CACNA1I: variants seen among roughly 807,000 people sequenced by gnomAD.
CACNA1I encodes voltage-dependent T-type calcium channel subunit alpha-1I.
Under a neutral mutation model 201.6 loss-of-function variants are expected in CACNA1I, and 74 were observed. That is an observed-to-expected ratio of 0.37 (90% confidence interval 0.30 to 0.45). CACNA1I has a LOEUF of 0.45. Ranked by LOEUF, CACNA1I falls within the 20% of genes least tolerant of loss-of-function variation. CACNA1I has a pLI of 1.00. For missense variants in CACNA1I, 2,346 were observed against 3,138.1 expected, an observed-to-expected ratio of 0.75 and a Z score of 6.03; for synonymous variants, 1,431 against 1,345.2, an observed-to-expected ratio of 1.06 and a Z score of -1.40.
intron 1 of CACNA1I, among the ~76,000 whole-genome samples, chr22:39,589,167 T>A (rs575534798): frequency 1.3e-5 from 2 of 152,220 alleles, no homozygotes; most frequent in East Asian, 3.9e-4. Context: ...GGGGACAAAA[T>A]CATCCCTGGT....
intron 28 of CACNA1I, 62 bp from the exon 29 acceptor site, chr22:39,673,901 C>T (rs942278100): frequency 1.3e-5 from 19 of 1,470,938 alleles, no homozygotes; most frequent in African/African-American, 8.3e-5. Context: ...TGCACACATG[C>T]GTGCACACAC....
At position 39,572,233 on chromosome 22, in the gene CACNA1I, G is replaced by C. The variant is rs551926011; in HGVS notation, c.236+1245G>C. Among the ~76,000 whole-genome samples, 7 of 152,230 alleles carry C rather than the reference G, an allele frequency of 4.6e-5. No individual in the cohort carries two copies. The East Asian group carries it at 1.4e-3, about 29-fold the overall frequency. On this transcript the variant is annotated intron_variant, in intron 1 of 36. Transcript: ENST00000402142. ...GCTTGCAGGGTGAAGTGGGGGCTGG[G>C]GACCACTGAGGAGGAGGCTTGGGGA...
chr22:39,594,960 A>AG (rs1165196561), intron 1 of CACNA1I, among the ~76,000 whole-genome samples: 1 of 152,244 alleles, frequency 6.6e-6, no homozygotes, highest in East Asian at 1.9e-4. Context: ...TTTATAAATC[A>AG]GGCATTGTAA....
intron 10 of CACNA1I, 62 bp from the exon 11 acceptor site, chr22:39,658,089 AG>A: frequency 6.4e-7 from 1 of 1,570,552 alleles, no homozygotes; most frequent in Non-Finnish European, 8.7e-7. Context: ...GGGTGTCCAG[AG>A]GGGATCCACA....
intron 7 of CACNA1I, among the ~76,000 whole-genome samples, chr22:39,643,881 G>A (rs1934409389): frequency 6.6e-6 from 1 of 152,244 alleles, no homozygotes; most frequent in African/African-American, 2.4e-5. Context: ...CAGGCCCTGA[G>A]CCAAGTGCTA....
rs1237595300 is a variant in CACNA1I at position 39,668,303 on chromosome 22, C to T, written c.4116C>T (p.Ser1372=). ...NFDNLGQALM[S]LFVLASKDGW... is the part of the protein sequence containing the mutation. ...CCCATGTCTCCCAGGCTCTGATGTC[C>T]CTCTTTGTCCTGGCATCCAAGGATG... The change falls in exon 24 of 37, where the codon TCC becomes TCT. Residue 1372 remains serine (S), a synonymous_variant. Coordinates refer to ENST00000402142, the MANE Select transcript of CACNA1I (RefSeq NM_021096.4). The T allele has an allele frequency of 2.5e-6, 4 of 1,611,980 alleles. No homozygotes were observed. The highest frequency in any genetic ancestry group is 3.4e-6 in the Non-Finnish European group (4 of 1,178,302).
chr22:39,684,241 C>T lies in CACNA1I; in HGVS notation c.5831-61C>T. The T allele has an allele frequency of 6.7e-7, 1 of 1,497,940 alleles. No individual in the cohort carries two copies. Among genetic ancestry groups the T allele is most frequent in the African/African-American group, 1.4e-5 (1 of 72,264 alleles). The allele number at this position is 1,497,940 out of a possible 1,614,324, so 92.8% of individuals were successfully genotyped here. A position where few individuals can be genotyped will look rare whatever the true frequency, so the allele number is the denominator to read the frequency against. Reference sequence around the variant, plus strand: ...TGAGATTGGTGCTCAATGCCACCTTCCAGGGGCTGCCCCCTGGCCTGAGCG... The same window carrying T: ...TGAGATTGGTGCTCAATGCCACCTTTCAGGGGCTGCCCCCTGGCCTGAGCG... On this transcript the variant is annotated intron_variant, in intron 35 of 36. Transcript: ENST00000402142. The surrounding 1 kb of genome is among the most constrained non-coding windows in gnomAD (Gnocchi z 4.6).
chr22:39,665,092 G>A lies in CACNA1I; in HGVS notation c.3851+169G>A, dbSNP rs1353931822. On this transcript the variant is annotated intron_variant, in intron 21 of 36. Transcript: ENST00000402142. This position sits in a 1 kb window ranked among gnomAD's most constrained non-coding sequence, Gnocchi z 5.5. ...GGGGGAGGGGTCTGCAGACCCTGGG[G>A]GTGGGGTATGCTGGAAGAGCAGGGC... Among the ~76,000 whole-genome samples the A allele has an allele frequency of 3.9e-5, 6 of 152,178 alleles. No individual in the cohort carries two copies. The highest frequency in any genetic ancestry group is 1.4e-4 in the African/African-American group (6 of 41,544).
intron 10 of CACNA1I, among the ~76,000 whole-genome samples, chr22:39,651,789 C>A (rs1423370196): frequency 6.6e-6 from 1 of 152,204 alleles, no homozygotes; most frequent in African/African-American, 2.4e-5. Context: ...TTGAAATTGG[C>A]CGTGGAGGGA....
chr22:39,578,433 TC>T (rs1932432537), intron 1 of CACNA1I, among the ~76,000 whole-genome samples: 1 of 151,992 alleles, frequency 6.6e-6, no homozygotes, highest in South Asian at 2.1e-4. Flanking sequence ...GTTGGGTTCT[TC>T]CATCTCTTCT....
chr22:39,570,923 T>C lies in CACNA1I; in HGVS notation c.171T>C (p.Ile57=). The C allele has an allele frequency of 7.4e-6, 12 of 1,613,748 alleles. No individual in the cohort carries two copies. The highest frequency in any genetic ancestry group is 9.3e-6 in the Non-Finnish European group (11 of 1,179,838). ...PHVPHPDLAP[I]AFFCLRQTTS... is the part of the protein sequence containing the mutation. ...TCCCACACCCAGACCTGGCGCCTAT[T>C]GCCTTCTTCTGCCTGCGACAGACCA... Residue 57 remains isoleucine (I), a synonymous_variant, in exon 1 of 37, where the codon ATT becomes ATC. Coordinates refer to ENST00000402142, the MANE Select transcript of CACNA1I (RefSeq NM_021096.4).
At chr22:39,650,580 C>T (rs76439214) in intron 10 of CACNA1I, among the ~76,000 whole-genome samples, 6,594 of 152,316 alleles carry the variant, frequency 0.043, 476 homozygotes, top group African/African-American at 0.15. Flanking sequence ...AAATCCAGAC[C>T]TTTGCATGAC....
In CACNA1I at chr22:39,684,209, G is replaced by C; in HGVS notation, c.5831-93G>C. 1 of 1,049,982 alleles carries C rather than the reference G, an allele frequency of 9.5e-7. No individual in the cohort carries two copies. Among genetic ancestry groups the C allele is most frequent in the South Asian group, 1.4e-5 (1 of 70,780 alleles). 65.0% of individuals were successfully genotyped at this position (1,049,982 alleles called of 1,614,324 possible). On this transcript the variant is annotated intron_variant, in intron 35 of 36. Transcript: ENST00000402142. The surrounding 1 kb of genome is among the most constrained non-coding windows in gnomAD (Gnocchi z 4.6). ...GTTTATTAGGTGGCCCCTCACTGCT[G>C]GCCCAGTGAGATTGGTGCTCAATGC...
chr22:39,672,420 C>G, intron 27 of CACNA1I, 112 bp downstream of exon 27: 1 of 749,652 alleles, frequency 1.3e-6, no homozygotes, highest in African/African-American at 1.7e-5. Context: ...CAGTAAGCAT[C>G]TAGGCACGGA....
intron 1 of CACNA1I, among the ~76,000 whole-genome samples, chr22:39,582,800 T>C (rs1172300105): frequency 1.9e-5 from 2 of 104,586 alleles, no homozygotes; most frequent in Non-Finnish European, 3.7e-5. Context: ...CCCCATACAC[T>C]CACTCACCCA....
intron 1 of CACNA1I, among the ~76,000 whole-genome samples, chr22:39,596,969 T>C (rs1450502719): frequency 6.6e-6 from 1 of 152,090 alleles, no homozygotes; most frequent in Non-Finnish European, 1.5e-5. Context: ...TGTGGTGAGT[T>C]CCATCAGCAT....
In CACNA1I at chr22:39,649,229, A is replaced by G. The variant is rs1323845647; in HGVS notation, c.1568-272A>G. ...CGGTCAGCACGGATGCGCGCCCTGC[A>G]CCGTGCTGGGCCCATCATGTGCCTT... On this transcript the variant is annotated intron_variant, in intron 9 of 36. Transcript: ENST00000402142. This position sits in a 1 kb window ranked among gnomAD's most constrained non-coding sequence, Gnocchi z 7.3. 6.6e-6 allele frequency among the ~76,000 whole-genome samples: 1 copy of G among 152,174 alleles called. No homozygotes were observed. The highest frequency in any genetic ancestry group is 2.4e-5 in the African/African-American group (1 of 41,438).
chr22:39,606,333 G>A (rs766386826), intron 3 of CACNA1I, among the ~76,000 whole-genome samples: 27 of 152,168 alleles, frequency 1.8e-4, no homozygotes, highest in Non-Finnish European at 1.8e-4. Flanking sequence ...TAAAACCCAC[G>A]TGAAAAACTT....
intron 24 of CACNA1I, among the ~76,000 whole-genome samples, chr22:39,669,538 T>C (rs1935300643): frequency 6.6e-6 from 1 of 150,404 alleles, no homozygotes; most frequent in Non-Finnish European, 1.5e-5. Context: ...GGTGGATGGA[T>C]GAATGGATGG....
Sources: gnomAD v4.1 joint callset for allele counts (sites outside exome capture counted in the v4.1 genomes callset) on GRCh38, gnomAD v4.1.1 for gene constraint, Gnocchi (gnomAD v3.1) non-coding constraint, MANE v1.5 for transcripts, NCBI Gene and HGNC (gene_info 2026-07-23, HGNC 2026-07-21) for gene names.